GLRX: variants seen among roughly 807,000 people sequenced by gnomAD.
GLRX encodes glutaredoxin-1.
A neutral mutation model predicts 11.1 loss-of-function variants in GLRX; 9 were observed. The observed-to-expected ratio is 0.81, with a 90% CI of 0.49 to 1.42. The LOEUF (loss-of-function observed/expected upper bound fraction) is 1.42, where lower values mean the gene tolerates loss of function less well. GLRX is among the 40% of genes most tolerant of loss of function. The probability of loss-of-function intolerance (pLI) is 0.00; values close to 1 mark genes in which losing one functional copy is unlikely to be tolerated. For synonymous variants in GLRX, 49 were observed against 49.5 expected (o/e 0.99, Z 0.04); for missense variants, 102 against 126.2 (o/e 0.81, Z 0.92).
At chr5:95,817,877 T>G (rs916119057) in intron 1 of GLRX, 2 of 152,180 alleles carry the variant, frequency 1.3e-5, no homozygotes, top group African/African-American at 4.8e-5. Flanking sequence ...AGCATAATAA[T>G]TGGAGCAAAT....
Position 95,822,676 on chromosome 5 carries a change from G to A in GLRX, c.-14C>T, listed in dbSNP as rs1278818319. ...CTCTTGAGCCATGCCGATGGGCTGC[G>A]GTCTCCCCGGGAAGAATCCTCAGTT... On this transcript the variant is annotated 5_prime_UTR_variant, in exon 1 of 3. Transcript: ENST00000237858. 8.7e-6 allele frequency: 14 copies of A among 1,609,630 alleles called. No homozygotes were observed. Among genetic ancestry groups the A allele is most frequent in the Non-Finnish European group, 1.2e-5 (14 of 1,176,342 alleles).
At position 95,822,471 on chromosome 5, in the gene GLRX, G is replaced by T; in HGVS notation, c.192C>A (p.Leu64=). Residue 64 remains leucine, a synonymous_variant, in exon 1 of 3, where the codon CTC becomes CTA. Transcript: ENST00000237858. ...TNEIQDYLQQ[L]TGARTVPRVF... ...TGAAACTCACCGTTCTTGCTCCCGT[G>T]AGCTGTTGCAAATAATCTTGAATCT... 1 of 1,613,298 alleles carries T rather than the reference G, an allele frequency of 6.2e-7. No individual in the cohort carries two copies. The highest frequency in any genetic ancestry group is 1.1e-5 in the South Asian group (1 of 91,062).
At chr5:95,821,749 AG>A (rs1747245787) in intron 1 of GLRX, among the ~76,000 whole-genome samples, 1 of 152,124 alleles carries the variant, frequency 6.6e-6, no homozygotes, top group Non-Finnish European at 1.5e-5. Context: ...CAATTTTTAG[AG>A]GGTCCCACAG....
chr5:95,816,412 C>A, intron 2 of GLRX, 95 bp downstream of exon 2: 1 of 668,382 alleles, frequency 1.5e-6, no homozygotes. Flanking sequence ...CATTTCTTCC[C>A]CCAACCAGAA....
At position 95,814,366 on chromosome 5, in the gene GLRX, A is replaced by T. The variant is rs1310268289; in HGVS notation, c.*30T>A. The T allele has an allele frequency of 6.5e-6, 1 of 152,672 alleles. No homozygotes were observed. Among genetic ancestry groups the T allele is most frequent in the African/African-American group, 2.4e-5 (1 of 41,452 alleles). 9.5% of individuals were successfully genotyped at this position (152,672 alleles called of 1,614,324 possible). A position where few individuals can be genotyped will look rare whatever the true frequency, so the allele number is the denominator to read the frequency against. ...ATTGGGTCCTGTGACCTTTCACAGA[A>T]TTGTTGAACATTTCCTATGAGATCT... On this transcript the variant is annotated 3_prime_UTR_variant, in exon 3 of 3. Coordinates refer to ENST00000237858, the MANE Select transcript of GLRX (RefSeq NM_001118890.2).
rs1297867346 is a variant in GLRX at position 95,819,912 on chromosome 5, A to AC, written c.207+2543_207+2544insG. 9.1e-3 allele frequency among the ~76,000 whole-genome samples: 1,375 copies of AC among 151,032 alleles called. 30 individuals carry two copies. The highest frequency in any genetic ancestry group is 0.032 in the African/African-American group (1,293 of 41,002). ...GACTCCGTCTCAAAAAAAAAAAAAA[A>AC]AAAAAAAAAACCCTCGGGAGCTTTC... On this transcript the variant is annotated intron_variant, in intron 1 of 2. Coordinates refer to ENST00000237858, the MANE Select transcript of GLRX (RefSeq NM_001118890.2).
intron 1 of GLRX, among the ~76,000 whole-genome samples, chr5:95,820,777 C>T (rs1402617333): frequency 6.6e-6 from 1 of 151,054 alleles, no homozygotes; most frequent in Non-Finnish European, 1.5e-5. Flanking sequence ...GGGCTGAGAA[C>T]AATAATCCCA....
intron 1 of GLRX, 31 bp from the exon 2 acceptor site, chr5:95,816,657 A>C (rs1389034711): frequency 2.0e-6 from 2 of 1,003,318 alleles, no homozygotes; most frequent in Admixed American, 1.7e-5. Flanking sequence ...GGACATTACT[A>C]CATTACTAGA....
At position 95,816,506 on chromosome 5, in the gene GLRX, C is replaced by T. The variant is rs766140656; in HGVS notation, c.*6+1G>A. Reference sequence around the variant, plus strand: ...GGCCCAGCACCTCACCTGCCACTCACCTGTGGTTACTGCAGAGCTCCAATC... The same window carrying T: ...GGCCCAGCACCTCACCTGCCACTCATCTGTGGTTACTGCAGAGCTCCAATC... On this transcript the variant is annotated splice_donor_variant, in intron 2 of 2. Coordinates refer to ENST00000237858, the MANE Select transcript of GLRX (RefSeq NM_001118890.2). LOFTEE classifies it low-confidence loss of function (3UTR_SPLICE). 1.4e-6 allele frequency: 2 copies of T among 1,448,900 alleles called. No individual in the cohort carries two copies. The highest frequency in any genetic ancestry group is 1.9e-6 in the Non-Finnish European group (2 of 1,029,354). 89.8% of individuals were successfully genotyped at this position (1,448,900 alleles called of 1,614,324 possible). A position where few individuals can be genotyped will look rare whatever the true frequency, so the allele number is the denominator to read the frequency against.
At chr5:95,816,660 T>C (rs1013993966) in intron 1 of GLRX, 34 bp from the exon 2 acceptor site, 20 of 985,000 alleles carry the variant, frequency 2.0e-5, no homozygotes, top group Non-Finnish European at 3.3e-5. Flanking sequence ...CATTACTACA[T>C]TACTAGATTA....
intron 1 of GLRX, 139 bp downstream of exon 1, chr5:95,822,317 T>A: frequency 2.5e-5 from 16 of 629,434 alleles, no homozygotes; most frequent in Non-Finnish European, 4.2e-5. Flanking sequence ...TAAGGCGCCC[T>A]CCCCCACACC....
At position 95,822,656 on chromosome 5, in the gene GLRX, G is replaced by A. The variant is rs1747293370; in HGVS notation, c.7C>T (p.Gln3Ter). 20 of 1,613,580 alleles carry A rather than the reference G, an allele frequency of 1.2e-5. No homozygotes were observed. The highest frequency in any genetic ancestry group is 1.7e-5 in the Non-Finnish European group (20 of 1,179,710). The change falls in exon 1 of 3, where the codon CAA becomes TAA. Residue 3 changes from glutamine to a stop codon, truncating the protein, a stop_gained. Transcript: ENST00000237858. LOFTEE classifies it high-confidence loss of function. MA[Q>*]EFVNCKIQPG... The stretch of plus-strand genomic sequence containing the variant: ...TGGATTTTGCAGTTCACAAACTCTT[G>A]AGCCATGCCGATGGGCTGCGGTCTC...
At chr5:95,820,369 A>C (rs1485515197) in intron 1 of GLRX, among the ~76,000 whole-genome samples, 3 of 150,784 alleles carry the variant, frequency 2.0e-5, no homozygotes, top group Admixed American at 6.6e-5. Flanking sequence ...AAAAAAAAAA[A>C]AAAAAACCTT....
chr5:95,818,600 C>G (rs573155821), intron 1 of GLRX: 1 of 152,318 alleles, frequency 6.6e-6, no homozygotes, highest in African/African-American at 2.4e-5. Context: ...CAACACTCCT[C>G]GGCTACCTCC....
intron 2 of GLRX, chr5:95,815,107 T>C (rs1746940033): frequency 6.6e-6 from 1 of 152,226 alleles, no homozygotes; most frequent in Admixed American, 6.5e-5. Flanking sequence ...CATAGAACAC[T>C]GAAGGAAAAG....
Position 95,822,587 on chromosome 5 carries a change from A to G in GLRX, c.76T>C (p.Cys26Arg), listed in dbSNP as rs769308941. ...VVFIKPTCPY[C>R]RRAQEILSQL... Reference sequence around the variant, plus strand: ...CTGAGGATCTCTTGGGCCCTCCTGCAGTACGGGCAGGTGGGCTTGATGAAC... The same window carrying G: ...CTGAGGATCTCTTGGGCCCTCCTGCGGTACGGGCAGGTGGGCTTGATGAAC... Residue 26 changes from cysteine to arginine, a missense_variant, in exon 1 of 3, where the codon TGC becomes CGC. Physicochemically the swap from Cys to Arg is radical, Grantham distance 180 (BLOSUM62 -3). Transcript: ENST00000237858. The G allele has an allele frequency of 3.1e-6, 5 of 1,613,588 alleles. No homozygotes were observed. Among genetic ancestry groups the G allele is most frequent in the African/African-American group, 2.7e-5 (2 of 74,910 alleles).
At chr5:95,819,913 A>AAG (rs1561467683) in intron 1 of GLRX, among the ~76,000 whole-genome samples, 2 of 150,906 alleles carry the variant, frequency 1.3e-5, no homozygotes, top group East Asian at 3.9e-4. Context: ...AAAAAAAAAA[A>AAG]AAAAAAAAAC....
chr5:95,822,535 A>G lies in GLRX; in HGVS notation c.128T>C (p.Leu43Pro), dbSNP rs1252063836. The change falls in exon 1 of 3, where the codon CTG becomes CCG. Residue 43 changes from leucine (L) to proline (P), a missense_variant. Physicochemically the swap from Leu to Pro is moderately conservative, Grantham distance 98. Transcript: ENST00000237858. ...GGTGGCTGTGATATCGACAAATTCC[A>G]GAAGCCCTTGTTTGATGGGCAATTG... Reference protein sequence around the residue: ...LSQLPIKQGLLEFVDITATNH... With the variant: ...LSQLPIKQGLPEFVDITATNH... The G allele has an allele frequency of 5.0e-6, 8 of 1,613,824 alleles. No individual in the cohort carries two copies. The Admixed American group carries it at 1.2e-4, about 24-fold the overall frequency.
chr5:95,819,908 A>AAAAAC (rs1747157709), intron 1 of GLRX, among the ~76,000 whole-genome samples: 1 of 150,856 alleles, frequency 6.6e-6, no homozygotes, highest in African/African-American at 2.4e-5. Context: ...AAAAAAAAAA[A>AAAAAC]AAAAAAAAAA....
Sources: gnomAD v4.1 joint callset for allele counts (sites outside exome capture counted in the v4.1 genomes callset) on GRCh38, gnomAD v4.1.1 for gene constraint, MANE v1.5 for transcripts, NCBI Gene and HGNC (gene_info 2026-07-23, HGNC 2026-07-21) for gene names.